PCDHA7: variants seen among roughly 807,000 people sequenced by gnomAD.
PCDHA7 encodes the protein protocadherin alpha-7.
Under a neutral mutation model 57.2 loss-of-function variants are expected in PCDHA7, and 37 were observed. The ratio of observed to expected loss-of-function variants is 0.65; its 90% CI spans 0.50 to 0.85. PCDHA7 has a LOEUF of 0.85. Among genes scored for constraint, PCDHA7 ranks in the 40% least tolerant of loss-of-function variants. PCDHA7 has a pLI of 0.00. For missense variants in PCDHA7, 1,188 were observed against 1,241.8 expected (o/e 0.96, Z 0.65); for synonymous variants, 553 against 558.8 (o/e 0.99, Z 0.15).
intron 3 of PCDHA7, among the ~76,000 whole-genome samples, chr5:140,995,110 C>T (rs1047046754): frequency 4.6e-5 from 7 of 152,198 alleles, no homozygotes; most frequent in Non-Finnish European, 7.3e-5. Flanking sequence ...TTCCAAGACC[C>T]TCAGTGGATG....
intron 1 of PCDHA7, among the ~76,000 whole-genome samples, chr5:140,959,564 G>T (rs1440482785): frequency 6.6e-6 from 1 of 152,072 alleles, no homozygotes; most frequent in Non-Finnish European, 1.5e-5. Flanking sequence ...ATCAGTACTA[G>T]ATTTTTTGTT....
intron 1 of PCDHA7, chr5:140,929,431 C>T (rs155360): frequency 0.52 from 779,088 of 1,485,262 alleles, 207,160 homozygotes; most frequent in African/African-American, 0.75. Context: ...ATCAATTGAA[C>T]TAAACACTCC....
rs2150458258 is a variant in PCDHA7 at position 140,849,933 on chromosome 5, C to T, written c.2355+13195C>T. On this transcript the variant is annotated intron_variant, in intron 1 of 3. Transcript: ENST00000525929. Reference sequence around the variant, plus strand: ...CTGCCACATCTTCACGGTGTCTGCGCGGGACGCTGACGCGCAGGAGAACGC... The same window carrying T: ...CTGCCACATCTTCACGGTGTCTGCGTGGGACGCTGACGCGCAGGAGAACGC... The T allele has an allele frequency of 9.3e-5, 149 of 1,598,118 alleles. 10 individuals are homozygous for T. The highest frequency in any genetic ancestry group is 7.4e-4 in the South Asian group (67 of 90,542).
Position 140,877,726 on chromosome 5 carries a change from C to G in PCDHA7, c.2355+40988C>G, listed in dbSNP as rs781814794. On this transcript the variant is annotated intron_variant, in intron 1 of 3. Coordinates refer to ENST00000525929, the MANE Select transcript of PCDHA7 (RefSeq NM_018910.3). ...CGCCGTGGGGAGTTGGTCTTACTCGCAGCAGAGGAGGCAGAGGGTGTGCTC... is the reference window on the plus strand; with the variant it reads ...CGCCGTGGGGAGTTGGTCTTACTCGGAGCAGAGGAGGCAGAGGGTGTGCTC... 30 of 1,614,056 alleles carry G rather than the reference C, an allele frequency of 1.9e-5. No homozygotes were observed. In the African/African-American group the frequency reaches 3.7e-4, roughly 20 times the overall value.
rs1405342443 is a variant in PCDHA7 at position 140,836,001 on chromosome 5, G to A, written c.1618G>A (p.Ala540Thr). 2.3e-5 allele frequency: 37 copies of A among 1,613,232 alleles called. No individual in the cohort carries two copies. The highest frequency in any genetic ancestry group is 2.9e-5 in the Non-Finnish European group (34 of 1,179,716). Residue 540 changes from alanine to threonine, a missense_variant, in exon 1 of 4, where the codon GCG (alanine) becomes ACG (threonine). Physicochemically the swap from Ala to Thr is moderately conservative, Grantham distance 58 (BLOSUM62 0). Around this residue, in one of 3 missense-constraint regions of PCDHA7, gnomAD observed 892 missense variants for 788.5 expected, o/e 1.13. Coordinates refer to ENST00000525929, the MANE Select transcript of PCDHA7 (RefSeq NM_018910.3). ...LLQFQVSARD[A>T]GVPPLGSNVT... ...GCAGTTCCAGGTGAGCGCGCGCGAT[G>A]CGGGCGTGCCGCCTCTGGGCAGCAA...
chr5:140,851,882 G>A lies in PCDHA7; in HGVS notation c.2355+15144G>A. ...CATACATAACACAAGGCAGAAATCT[G>A]GATATGAGATTTGCCTCTTTAATGT... On this transcript the variant is annotated intron_variant, in intron 1 of 3. Transcript: ENST00000525929. The A allele has an allele frequency of 2.0e-6, 2 of 976,778 alleles. 1 individual carries two copies. Among genetic ancestry groups the A allele is most frequent in the Non-Finnish European group, 2.5e-6 (2 of 809,414 alleles). The allele number at this position is 976,778 out of a possible 1,614,324, so 60.5% of individuals were successfully genotyped here. A position where few individuals can be genotyped will look rare whatever the true frequency, so the allele number is the denominator to read the frequency against.
chr5:140,888,421 G>T (rs1046155514), intron 1 of PCDHA7, among the ~76,000 whole-genome samples: 9 of 152,144 alleles, frequency 5.9e-5, no homozygotes. Context: ...ACATCCTACC[G>T]TGCACAGGAC....
At chr5:141,005,114 G>A (rs2098198000) in intron 3 of PCDHA7, among the ~76,000 whole-genome samples, 2 of 152,042 alleles carry the variant, frequency 1.3e-5, no homozygotes, top group African/African-American at 2.4e-5. Flanking sequence ...TTGTCTTTAG[G>A]GACCCCAAAA....
At chr5:140,968,639 G>T (rs1278507600) in intron 1 of PCDHA7, 1 of 1,614,150 alleles carries the variant, frequency 6.2e-7, no homozygotes, top group Non-Finnish European at 8.5e-7. Context: ...TTACCATCTA[G>T]CCCAGACTTC....
chr5:140,884,961 C>A (rs1454276450), intron 1 of PCDHA7, among the ~76,000 whole-genome samples: 1 of 152,126 alleles, frequency 6.6e-6, no homozygotes, highest in Non-Finnish European at 1.5e-5. Context: ...AAATTCCTCA[C>A]GTTGTGAGAA....
At chr5:140,867,702 A>G (rs560641093) in intron 1 of PCDHA7, 1 of 152,136 alleles carries the variant, frequency 6.6e-6, no homozygotes, top group Admixed American at 6.5e-5. Flanking sequence ...TTCCTCCTAA[A>G]TCCTAAGGGT....
chr5:140,986,776 C>G (rs916981139), intron 3 of PCDHA7, among the ~76,000 whole-genome samples: 5 of 152,098 alleles, frequency 3.3e-5, no homozygotes, highest in Non-Finnish European at 7.3e-5. Context: ...AATTAGGTAG[C>G]GGAAGCCACT....
Position 140,836,651 on chromosome 5 carries a change from G to A in PCDHA7, c.2268G>A (p.Gln756=), listed in dbSNP as rs1774653437. ...GGTCATTCTCCCAGCAGAGGCGGCA[G>A]AGGGTGTGCTCTGGGGAGGGCCCAC... The part of the protein sequence containing the change: ...GSWSFSQQRR[Q]RVCSGEGPPK... Residue 756 remains glutamine (Q), a synonymous_variant, in exon 1 of 4, where the codon CAG becomes CAA. Coordinates refer to ENST00000525929, the MANE Select transcript of PCDHA7 (RefSeq NM_018910.3). 1 of 1,613,546 alleles carries A rather than the reference G, an allele frequency of 6.2e-7. No individual in the cohort carries two copies. The highest frequency in any genetic ancestry group is 2.2e-5 in the East Asian group (1 of 44,850).
chr5:140,907,139 T>C (rs2073191409), intron 1 of PCDHA7, among the ~76,000 whole-genome samples: 1 of 152,148 alleles, frequency 6.6e-6, no homozygotes, highest in African/African-American at 2.4e-5. Context: ...GAATTCCGGC[T>C]ATGGGAGAAA....
At chr5:140,997,668 TTGTGTGTGTGTG>T (rs35184029) in intron 3 of PCDHA7, among the ~76,000 whole-genome samples, 3 of 148,244 alleles carry the variant, frequency 2.0e-5, no homozygotes, top group South Asian at 2.2e-4. Context: ...ATTATACAGC[TTGTGTGTGTGTG>T]TGTGTGTGTG....
At chr5:140,914,646 C>A (rs2076792238) in intron 1 of PCDHA7, among the ~76,000 whole-genome samples, 1 of 152,018 alleles carries the variant, frequency 6.6e-6, no homozygotes, top group Admixed American at 6.5e-5. Context: ...ATGGTCATCT[C>A]TCCCTTCTTT....
intron 1 of PCDHA7, chr5:140,853,641 A>G (rs1211855290): frequency 1.0e-6 from 1 of 988,686 alleles, no homozygotes; most frequent in East Asian, 1.1e-4. Context: ...ACAGACCTAA[A>G]TTGAGCCTGT....
At chr5:141,008,985 A>G (rs566679512) in intron 3 of PCDHA7, among the ~76,000 whole-genome samples, 2 of 152,240 alleles carry the variant, frequency 1.3e-5, no homozygotes, top group South Asian at 4.1e-4. Context: ...AGTTTAATCT[A>G]GACACTAAAA....
chr5:140,946,374 C>T (rs1371899868), intron 1 of PCDHA7, among the ~76,000 whole-genome samples: 5 of 151,656 alleles, frequency 3.3e-5, no homozygotes, highest in African/African-American at 9.7e-5. Flanking sequence ...CTCTTGCACA[C>T]GGTTGGTAGG....
Sources: allele counts gnomAD v4.1 joint callset (sites outside exome capture counted in the v4.1 genomes callset), GRCh38; gene constraint gnomAD v4.1.1; regional missense constraint gnomAD v4.1.1; transcripts MANE v1.5; gene names NCBI Gene and HGNC (gene_info 2026-07-23, HGNC 2026-07-21).